The following MYO5B variants were observed in gnomAD, a reference collection of about 807,000 sequenced individuals.
The protein encoded by MYO5B is unconventional myosin-Vb.
In MYO5B, 143 loss-of-function variants were observed where a neutral mutation model predicts 229.3. That is an observed-to-expected ratio of 0.62 (90% confidence interval 0.54 to 0.72). The LOEUF is 0.72. MYO5B is among the 30% of genes least tolerant of loss of function. MYO5B has a pLI of 0.00. For synonymous variants in MYO5B, 918 were observed against 885.2 expected (o/e 1.04, Z -0.66); for missense variants, 2,321 against 2,331.0 (o/e 1.00, Z 0.09).
chr18:49,859,924 A>G (rs907767865), intron 29 of MYO5B, among the ~76,000 whole-genome samples: 1 of 152,184 alleles, frequency 6.6e-6, no homozygotes, highest in Non-Finnish European at 1.5e-5. Context: ...GAGACTGCAC[A>G]CAGTTCCTTG....
intron 23 of MYO5B, among the ~76,000 whole-genome samples, chr18:49,879,744 G>A (rs547296468): frequency 1.3e-5 from 2 of 152,262 alleles, no homozygotes; most frequent in African/African-American, 2.4e-5. Flanking sequence ...TGGGGTCTGT[G>A]GACTCTCCCT....
At chr18:50,085,614 A>C (rs990268321) in intron 1 of MYO5B, among the ~76,000 whole-genome samples, 10 of 152,202 alleles carry the variant, frequency 6.6e-5, no homozygotes, top group Non-Finnish European at 1.3e-4. Flanking sequence ...ACACATGCAC[A>C]CATATGTTTT....
At chr18:49,881,543 C>T (rs1226618399) in intron 22 of MYO5B, among the ~76,000 whole-genome samples, 1 of 152,138 alleles carries the variant, frequency 6.6e-6, no homozygotes, top group Admixed American at 6.5e-5. Flanking sequence ...TGGCTCACAC[C>T]TGTAATCCCA....
intron 22 of MYO5B, among the ~76,000 whole-genome samples, chr18:49,890,000 G>A (rs549425417): frequency 2.1e-4 from 32 of 152,252 alleles, no homozygotes; most frequent in African/African-American, 7.5e-4. Context: ...GTGGCCTCAG[G>A]GGGATTTACT....
At chr18:49,978,977 TTGAC>T (rs978127893) in intron 9 of MYO5B, among the ~76,000 whole-genome samples, 3 of 152,116 alleles carry the variant, frequency 2.0e-5, no homozygotes, top group Non-Finnish European at 4.4e-5. Context: ...CCACAGGACA[TTGAC>T]TGAGCTGTAT....
At chr18:50,167,865 C>A (rs79607257) in intron 1 of MYO5B, among the ~76,000 whole-genome samples, 2,763 of 152,232 alleles carry the variant, frequency 0.018, 78 homozygotes, top group African/African-American at 0.063. Context: ...TCTGGCCCCA[C>A]GGGTAAGGCA....
At position 50,134,270 on chromosome 18, in the gene MYO5B, G is replaced by A. The variant is rs141320780; in HGVS notation, c.27+60497C>T. 2.5e-4 allele frequency among the ~76,000 whole-genome samples: 38 copies of A among 152,116 alleles called. No homozygotes were observed. In the East Asian group the frequency reaches 2.9e-3, roughly 12 times the overall value. On this transcript the variant is annotated intron_variant, in intron 1 of 39. Coordinates refer to ENST00000285039, the MANE Select transcript of MYO5B (RefSeq NM_001080467.3). Reference sequence around the variant, plus strand: ...TAGTGATTAAGGGATAAAAATAGCCGCGTGGCAGGGCTCGGTGGCTCACGC... The same window carrying A: ...TAGTGATTAAGGGATAAAAATAGCCACGTGGCAGGGCTCGGTGGCTCACGC...
intron 1 of MYO5B, among the ~76,000 whole-genome samples, chr18:50,191,330 C>G (rs1011234644): frequency 1.3e-5 from 2 of 152,202 alleles, no homozygotes; most frequent in African/African-American, 4.8e-5. Flanking sequence ...CAAGGTGCAG[C>G]CCAGCAGCCC....
At chr18:49,862,153 A>G (rs903742911) in intron 29 of MYO5B, among the ~76,000 whole-genome samples, 1 of 151,900 alleles carries the variant, frequency 6.6e-6, no homozygotes, top group Non-Finnish European at 1.5e-5. Flanking sequence ...ACCCGCCACT[A>G]CGCCCGGCTA....
intron 19 of MYO5B, 101 bp from the exon 20 acceptor site, chr18:49,904,929 G>GTCCAGGTAGGGCCACAGA: frequency 1.4e-6 from 2 of 1,412,294 alleles, no homozygotes; most frequent in Non-Finnish European, 1.9e-6. Flanking sequence ...CTCCCTCTGT[G>GTCCAGGTAGGGCCACAGA]GCCCTACCTG....
chr18:49,896,468 C>G (rs1468732712), intron 21 of MYO5B, among the ~76,000 whole-genome samples: 1 of 152,212 alleles, frequency 6.6e-6, no homozygotes, highest in Non-Finnish European at 1.5e-5. Context: ...GGTCTCTGCA[C>G]AGAGGAGTAG....
At chr18:49,995,980 A>C (rs2025983120) in intron 5 of MYO5B, among the ~76,000 whole-genome samples, 1 of 152,268 alleles carries the variant, frequency 6.6e-6, no homozygotes, top group African/African-American at 2.4e-5. Flanking sequence ...AATGTCATAC[A>C]GATGTAATCA....
intron 9 of MYO5B, among the ~76,000 whole-genome samples, chr18:49,974,918 C>A: frequency 6.6e-6 from 1 of 151,914 alleles, no homozygotes; most frequent in East Asian, 1.9e-4. Context: ...ACTTTAAAAA[C>A]CAAAACATTC....
chr18:50,067,789 C>G (rs930505254), intron 1 of MYO5B, among the ~76,000 whole-genome samples: 2 of 152,150 alleles, frequency 1.3e-5, no homozygotes, highest in East Asian at 3.9e-4. Context: ...GCTTCTTGTA[C>G]AGTCTGCAGA....
chr18:49,953,953 A>ATT (rs1568045428), intron 13 of MYO5B, among the ~76,000 whole-genome samples: 1 of 41,856 alleles, frequency 2.4e-5, no homozygotes, highest in African/African-American at 9.6e-5. Context: ...ATATACAGAC[A>ATT]TGTGTGTGTG....
In MYO5B at chr18:50,156,346, G is replaced by A. The variant is rs117580810; in HGVS notation, c.27+38421C>T. 8.4e-3 allele frequency among the ~76,000 whole-genome samples: 1,277 copies of A among 152,270 alleles called. 10 individuals carry two copies. Among genetic ancestry groups the A allele is most frequent in the Non-Finnish European group, 0.012 (810 of 68,030 alleles). ...GAACTATAGTTCCCATAATCCCCCC[G>A]TGTTGCGGGAGGGACCAGGTGGAGA... On this transcript the variant is annotated intron_variant, in intron 1 of 39. Transcript: ENST00000285039.
chr18:50,021,326 A>G (rs2026272052), intron 4 of MYO5B, among the ~76,000 whole-genome samples: 1 of 152,190 alleles, frequency 6.6e-6, no homozygotes, highest in East Asian at 1.9e-4. Context: ...GGAGAGAGAC[A>G]CAAGAATTGA....
intron 10 of MYO5B, among the ~76,000 whole-genome samples, chr18:49,970,545 C>A (rs576632022): frequency 6.6e-6 from 1 of 152,130 alleles, no homozygotes; most frequent in African/African-American, 2.4e-5. Flanking sequence ...TGTGTGTATA[C>A]GATGCTGGCG....
chr18:49,998,303 A>T (rs1419690388), intron 5 of MYO5B, among the ~76,000 whole-genome samples: 3 of 152,194 alleles, frequency 2.0e-5, no homozygotes, highest in Non-Finnish European at 4.4e-5. Context: ...ACAAGGCAGA[A>T]AATTAATGTT....
Sources: allele counts gnomAD v4.1 joint callset (sites outside exome capture counted in the v4.1 genomes callset), GRCh38; gene constraint gnomAD v4.1.1; transcripts MANE v1.5; gene names NCBI Gene and HGNC (gene_info 2026-07-23, HGNC 2026-07-21).